KDM4A: variants seen among roughly 807,000 people sequenced by gnomAD.
KDM4A encodes the protein lysine-specific demethylase 4A.
In KDM4A, 23 loss-of-function variants were observed where a neutral mutation model predicts 127.1. The ratio of observed to expected loss-of-function variants is 0.18; its 90% CI spans 0.13 to 0.26. The LOEUF is 0.26. KDM4A is among the 10% of genes least tolerant of loss of function. The probability of loss-of-function intolerance (pLI) is 1.00; values close to 1 mark genes in which losing one functional copy is unlikely to be tolerated. For missense variants in KDM4A, 890 were observed against 1,329.1 expected, an observed-to-expected ratio of 0.67 and a Z score of 5.14; for synonymous variants, 443 against 466.5, an observed-to-expected ratio of 0.95 and a Z score of 0.65.
At chr1:43,654,717 GTGTGTGTGTGTGTGTGTGTGTGT>G (rs1235594017) in intron 2 of KDM4A, among the ~76,000 whole-genome samples, 2 of 102,078 alleles carry the variant, frequency 2.0e-5, no homozygotes, top group Admixed American at 8.9e-5. Context: ...GTGTGTGTGT[GTGTGTGTGTGTGTGTGTGTGTGT>G]TGTTTTCTCC....
intron 13 of KDM4A, among the ~76,000 whole-genome samples, chr1:43,689,392 G>A (rs1661057329): frequency 1.3e-5 from 2 of 152,230 alleles, no homozygotes; most frequent in Non-Finnish European, 2.9e-5. Context: ...ATTCTAGTCC[G>A]TGGTTATTCC....
intron 2 of KDM4A, chr1:43,653,542 C>G: frequency 2.7e-6 from 1 of 373,582 alleles, no homozygotes; most frequent in Non-Finnish European, 4.8e-6. Flanking sequence ...AGGTAAAGAG[C>G]TAGTGTCTCC....
In KDM4A at chr1:43,671,621, T is replaced by C; in HGVS notation, c.1480T>C (p.Ser494Pro). 6.2e-7 allele frequency: 1 copy of C among 1,613,658 alleles called. No homozygotes were observed. The highest frequency in any genetic ancestry group is 8.5e-7 in the Non-Finnish European group (1 of 1,179,814). ...AALDLSVNPA[S>P]VGGRLVFSGS... ...CTTGGATCTTTCTGTGAATCCTGCGTCTGTAGGGGGACGCCTTGTCTTCTC... is the reference window on the plus strand; with the variant it reads ...CTTGGATCTTTCTGTGAATCCTGCGCCTGTAGGGGGACGCCTTGTCTTCTC... Residue 494 changes from serine to proline, a missense_variant, in exon 11 of 22, where the codon TCT becomes CCT. Ser to Pro is a moderately conservative substitution (Grantham distance 74). This residue lies in a region of KDM4A where 389 missense variants were observed against 485.9 expected (regional missense o/e 0.80). Transcript: ENST00000372396.
rs1325120901 is a variant in KDM4A, at chr1:43,650,240, C to T, written c.-52C>T. The T allele has an allele frequency of 7.0e-6, 1 of 142,910 alleles. No individual in the cohort carries two copies. The highest frequency in any genetic ancestry group is 2.2e-4 in the East Asian group (1 of 4,536). The allele number at this position is 142,910 out of a possible 1,614,324, so 8.9% of individuals were successfully genotyped here. ...GAGCTGAGCCTAAGCCCTGGCGGGG[C>T]TTTGGGCTGTAGGTGAGAACTATAG... On this transcript the variant is annotated 5_prime_UTR_variant, in exon 1 of 22. Transcript: ENST00000372396.
At chr1:43,701,080 G>A (rs1053997205) in intron 19 of KDM4A, among the ~76,000 whole-genome samples, 10 of 151,852 alleles carry the variant, frequency 6.6e-5, no homozygotes, top group South Asian at 2.1e-4. Flanking sequence ...ACGCCACCAC[G>A]CCCAACTAAT....
chr1:43,654,357 TACAA>T (rs1366577427), intron 2 of KDM4A, among the ~76,000 whole-genome samples: 1 of 152,264 alleles, frequency 6.6e-6, no homozygotes, highest in Non-Finnish European at 1.5e-5. Flanking sequence ...TCTCTGCTCA[TACAA>T]ACATACACAC....
rs1660564824 is a variant in KDM4A, at chr1:43,669,205, G to T, written c.1269G>T (p.Glu423Asp). 6.2e-7 allele frequency: 1 copy of T among 1,614,098 alleles called. No homozygotes were observed. The highest frequency in any genetic ancestry group is 1.3e-5 in the African/African-American group (1 of 74,920). ...ELFPKEDLSSEQYEMTECPAA... is the reference protein window; with the variant it reads ...ELFPKEDLSSDQYEMTECPAA... ...TCCCCAAGGAGGATCTGAGTTCTGAGCAGTATGAGATGACGGAGTGCCCGG... is the reference window on the plus strand; with the variant it reads ...TCCCCAAGGAGGATCTGAGTTCTGATCAGTATGAGATGACGGAGTGCCCGG... Residue 423 changes from glutamate to aspartate, a missense_variant, in exon 10 of 22, where the codon GAG (glutamate) becomes GAT (aspartate). Glu to Asp is a conservative substitution (Grantham distance 45, BLOSUM62 2). Transcript: ENST00000372396.
At chr1:43,665,865 CG>C in intron 6 of KDM4A, 120 bp downstream of exon 6, 1 of 967,878 alleles carries the variant, frequency 1.0e-6, no homozygotes, top group Non-Finnish European at 1.6e-6. Context: ...GGCCTGCAGA[CG>C]GGGGTGAGCC....
intron 11 of KDM4A, 36 bp from the exon 12 acceptor site, chr1:43,683,647 GA>G (rs1557914765): frequency 6.2e-7 from 1 of 1,602,114 alleles, no homozygotes; most frequent in Non-Finnish European, 8.5e-7. Context: ...GTCTCAAGTG[GA>G]GACAAGACCA....
chr1:43,698,727 T>A (rs532588888), intron 19 of KDM4A, among the ~76,000 whole-genome samples: 1 of 152,368 alleles, frequency 6.6e-6, no homozygotes, highest in Non-Finnish European at 1.5e-5. Flanking sequence ...TCATTAGTTA[T>A]AAGGTAGACT....
At chr1:43,652,549 A>G (rs563548755) in intron 1 of KDM4A, among the ~76,000 whole-genome samples, 45 of 151,994 alleles carry the variant, frequency 3.0e-4, no homozygotes, top group Non-Finnish European at 4.7e-4. Flanking sequence ...GGGTCTCACT[A>G]TGTTGCCCAG....
intron 3 of KDM4A, among the ~76,000 whole-genome samples, chr1:43,658,317 C>T (rs61768372): frequency 0.26 from 39,503 of 152,006 alleles, 6,036 homozygotes; most frequent in Non-Finnish European, 0.34. Flanking sequence ...AGTGATCAGC[C>T]TGCCTTGGCC....
At position 43,704,970 on chromosome 1, in the gene KDM4A, C is replaced by T. The variant is rs1211997374; in HGVS notation, c.*600C>T. 1.3e-5 allele frequency: 2 copies of T among 153,404 alleles called. No individual in the cohort carries two copies. Among genetic ancestry groups the T allele is most frequent in the African/African-American group, 4.8e-5 (2 of 41,456 alleles). 9.5% of individuals were successfully genotyped at this position (153,404 alleles called of 1,614,324 possible). A position where few individuals can be genotyped will look rare whatever the true frequency, so the allele number is the denominator to read the frequency against. The stretch of plus-strand genomic sequence containing the variant: ...CATCTGTCCAGGCCTGGAACCGTCT[C>T]AAGACAGTGCTGGCAAAGCTGCAGT... On this transcript the variant is annotated 3_prime_UTR_variant, in exon 22 of 22. Transcript: ENST00000372396.
At chr1:43,703,554 G>C (rs775652974) in intron 19 of KDM4A, 63 bp from the exon 20 acceptor site, 16 of 1,600,464 alleles carry the variant, frequency 1.0e-5, no homozygotes, top group Non-Finnish European at 1.3e-5. Context: ...CCTGAGTAGA[G>C]GACAGTTACC....
At chr1:43,682,448 T>C (rs1660880019) in intron 11 of KDM4A, among the ~76,000 whole-genome samples, 1 of 152,162 alleles carries the variant, frequency 6.6e-6, no homozygotes, top group Non-Finnish European at 1.5e-5. Flanking sequence ...CATGTAAGTC[T>C]TCATGGACAT....
At chr1:43,657,035 C>T (rs187304734) in intron 3 of KDM4A, among the ~76,000 whole-genome samples, 22 of 152,168 alleles carry the variant, frequency 1.4e-4, no homozygotes, top group Admixed American at 1.3e-4. Context: ...TCCCAAGTAA[C>T]TGGAGGTATA....
At chr1:43,661,017 C>T (rs920399697) in intron 4 of KDM4A, among the ~76,000 whole-genome samples, 41 of 151,572 alleles carry the variant, frequency 2.7e-4, no homozygotes, top group East Asian at 2.0e-4. Context: ...TTTTGTTGCC[C>T]GGGCTGGAGT....
chr1:43,674,470 T>C (rs768140123), intron 11 of KDM4A, among the ~76,000 whole-genome samples: 39 of 152,030 alleles, frequency 2.6e-4, no homozygotes, highest in Non-Finnish European at 4.1e-4. Context: ...CAAGTTAAAA[T>C]GATTGAAGAA....
intron 5 of KDM4A, among the ~76,000 whole-genome samples, chr1:43,664,300 C>G (rs1660451940): frequency 6.6e-6 from 1 of 151,958 alleles, no homozygotes; most frequent in African/African-American, 2.4e-5. Context: ...GGCGTGGTGG[C>G]TCACACCTGT....
Sources: allele counts gnomAD v4.1 joint callset (sites outside exome capture counted in the v4.1 genomes callset), GRCh38; gene constraint gnomAD v4.1.1; regional missense constraint gnomAD v4.1.1; transcripts MANE v1.5; gene names NCBI Gene and HGNC (gene_info 2026-07-23, HGNC 2026-07-21).